The following SLC9A9 variants were observed in gnomAD, a reference collection of about 807,000 sequenced individuals.
The protein encoded by SLC9A9 is solute carrier family 9 member A9, also known as sodium/hydrogen exchanger 9.
In SLC9A9, 62 loss-of-function variants were observed where a neutral mutation model predicts 77.8. The ratio of observed to expected loss-of-function variants is 0.80; its 90% confidence interval spans 0.65 to 0.98. The LOEUF (loss-of-function observed/expected upper bound fraction) is 0.98. Ranked by LOEUF, SLC9A9 falls within the 50% of genes least tolerant of loss-of-function variation. SLC9A9 has a pLI of 0.00. For missense variants in SLC9A9, 775 were observed against 774.9 expected (o/e 1.00, Z 0.00); for synonymous variants, 320 against 283.5 (o/e 1.13, Z -1.29).
chr3:143,706,104 G>A lies in SLC9A9; in HGVS notation c.534-12797C>T, dbSNP rs374891303. On this transcript the variant is annotated intron_variant, in intron 4 of 15. Coordinates refer to ENST00000316549, the MANE Select transcript of SLC9A9 (RefSeq NM_173653.4). ...TCCAACAATGTTTCATCTATACTTG[G>A]GATGGCCCATATTCTGAATTTTTCC... 2.4e-4 allele frequency among the ~76,000 whole-genome samples: 36 copies of A among 152,254 alleles called. No individual in the cohort carries two copies. In the East Asian group the frequency reaches 3.9e-3, roughly 16 times the overall value.
At chr3:143,336,153 G>C (rs2031914725) in intron 14 of SLC9A9, among the ~76,000 whole-genome samples, 1 of 152,118 alleles carries the variant, frequency 6.6e-6, no homozygotes, top group Admixed American at 6.6e-5. Flanking sequence ...ATGAAAAGAT[G>C]CTCAATATCT....
intron 5 of SLC9A9, among the ~76,000 whole-genome samples, chr3:143,666,130 T>A (rs574924608): frequency 1.3e-5 from 2 of 152,300 alleles, no homozygotes; most frequent in South Asian, 4.1e-4. Flanking sequence ...AAAAAGCTTA[T>A]CCACCACGAT....
chr3:143,277,811 G>A (rs1938097489), intron 14 of SLC9A9, among the ~76,000 whole-genome samples: 1 of 152,158 alleles, frequency 6.6e-6, no homozygotes, highest in South Asian at 2.1e-4. Flanking sequence ...TCACTTCCCT[G>A]ACAATTTGTT....
At chr3:143,362,145 G>A (rs1458891536) in intron 14 of SLC9A9, among the ~76,000 whole-genome samples, 1 of 152,142 alleles carries the variant, frequency 6.6e-6, no homozygotes, top group African/African-American at 2.4e-5. Flanking sequence ...AAGTCTTCAT[G>A]TAGTTACTGA....
At chr3:143,786,160 G>T (rs1477440756) in intron 4 of SLC9A9, among the ~76,000 whole-genome samples, 1 of 151,974 alleles carries the variant, frequency 6.6e-6, no homozygotes, top group Non-Finnish European at 1.5e-5. Context: ...CGGCCAACTT[G>T]AATTTTTCAT....
chr3:143,741,271 T>TC (rs1560057928), intron 4 of SLC9A9, among the ~76,000 whole-genome samples: 1 of 151,006 alleles, frequency 6.6e-6, no homozygotes, highest in Admixed American at 6.6e-5. Flanking sequence ...AAAGTGACTC[T>TC]CCCCCCAAAA....
chr3:143,525,890 C>G (rs2036396113), intron 9 of SLC9A9, among the ~76,000 whole-genome samples: 1 of 152,016 alleles, frequency 6.6e-6, no homozygotes, highest in Non-Finnish European at 1.5e-5. Context: ...GCAGACAGTG[C>G]AGGATACAAA....
At chr3:143,616,637 C>T (rs11714312) in intron 6 of SLC9A9, among the ~76,000 whole-genome samples, 45,336 of 151,900 alleles carry the variant, frequency 0.3, 7,006 homozygotes, top group African/African-American at 0.37. Flanking sequence ...AATAAATAAT[C>T]GAGGTCTAGA....
At chr3:143,457,922 TAG>T (rs1326341937) in intron 12 of SLC9A9, among the ~76,000 whole-genome samples, 1 of 152,176 alleles carries the variant, frequency 6.6e-6, no homozygotes, top group Non-Finnish European at 1.5e-5. Context: ...TGCTGTTGGG[TAG>T]AGTGTTCTAT....
chr3:143,517,273 A>G, intron 9 of SLC9A9: 5 of 1,266,772 alleles, frequency 3.9e-6, no homozygotes, highest in South Asian at 1.2e-5. Flanking sequence ...GAACCTCTGG[A>G]TCACTAAGAA....
rs938189359 is a variant in SLC9A9 at position 143,679,862 on chromosome 3, A to G, written c.649+13330T>C. On this transcript the variant is annotated intron_variant, in intron 5 of 15. Transcript: ENST00000316549. ...ATAAGTATACTAAATACACTTAAAGAGACAGAAGAAAATTAAATAAAAGGA... is the reference window on the plus strand; with the variant it reads ...ATAAGTATACTAAATACACTTAAAGGGACAGAAGAAAATTAAATAAAAGGA... Among the ~76,000 whole-genome samples, 5 of 152,354 alleles carry G rather than the reference A, an allele frequency of 3.3e-5. No homozygotes were observed. In the East Asian group the frequency reaches 5.8e-4, roughly 18 times the overall value.
At chr3:143,662,058 A>G (rs79412675) in intron 5 of SLC9A9, among the ~76,000 whole-genome samples, 2,172 of 152,294 alleles carry the variant, frequency 0.014, 57 homozygotes, top group African/African-American at 0.049. Flanking sequence ...GGTGTGATTT[A>G]TCTTAGTTAC....
At chr3:143,788,396 G>T (rs1310803042) in intron 4 of SLC9A9, among the ~76,000 whole-genome samples, 8 of 152,024 alleles carry the variant, frequency 5.3e-5, no homozygotes, top group Non-Finnish European at 1.0e-4. Context: ...TTCACTAAAA[G>T]ACATCATGTA....
At chr3:143,303,196 A>G (rs2030612079) in intron 14 of SLC9A9, among the ~76,000 whole-genome samples, 3 of 152,210 alleles carry the variant, frequency 2.0e-5, no homozygotes, top group African/African-American at 7.2e-5. Context: ...TGGGCAGATG[A>G]GAACAAGGCA....
intron 13 of SLC9A9, among the ~76,000 whole-genome samples, chr3:143,375,945 T>C (rs2033172584): frequency 6.6e-6 from 1 of 152,218 alleles, no homozygotes; most frequent in African/African-American, 2.4e-5. Context: ...TTGTCTAGTA[T>C]GGTCTTCCTT....
At chr3:143,772,387 G>GA (rs2007553848) in intron 4 of SLC9A9, among the ~76,000 whole-genome samples, 2 of 152,014 alleles carry the variant, frequency 1.3e-5, no homozygotes, top group African/African-American at 2.4e-5. Flanking sequence ...TTTAGTTACA[G>GA]AAAAAAGTAA....
intron 12 of SLC9A9, among the ~76,000 whole-genome samples, chr3:143,392,224 G>A (rs1245617200): frequency 1.3e-5 from 2 of 152,142 alleles, no homozygotes; most frequent in Non-Finnish European, 2.9e-5. Context: ...ACCCACAAAG[G>A]GAAGCCCATC....
At chr3:143,692,144 C>A (rs139398847) in intron 5 of SLC9A9, among the ~76,000 whole-genome samples, 283 of 151,830 alleles carry the variant, frequency 1.9e-3, no homozygotes, top group African/African-American at 6.7e-3. Flanking sequence ...GATTCAACCA[C>A]AAGACAAATT....
intron 4 of SLC9A9, among the ~76,000 whole-genome samples, chr3:143,752,605 A>G (rs1012433412): frequency 2.0e-5 from 3 of 152,156 alleles, no homozygotes; most frequent in African/African-American, 7.2e-5. Flanking sequence ...TTTGTCCCCA[A>G]AAGCCAGCAC....
Sources: allele counts gnomAD v4.1 joint callset (sites outside exome capture counted in the v4.1 genomes callset), GRCh38; gene constraint gnomAD v4.1.1; transcripts MANE v1.5; gene names NCBI Gene and HGNC (gene_info 2026-07-23, HGNC 2026-07-21).